The following THSD4 variants were observed in gnomAD, a reference collection of about 807,000 sequenced individuals.
The protein encoded by THSD4 is thrombospondin type-1 domain-containing protein 4.
A neutral mutation model predicts 119.0 loss-of-function variants in THSD4; 69 were observed. The ratio of observed to expected loss-of-function variants is 0.58; its 90% CI spans 0.48 to 0.71. The LOEUF (loss-of-function observed/expected upper bound fraction) is 0.71. Among genes scored for constraint, THSD4 ranks in the 30% least tolerant of loss-of-function variants. THSD4 has a pLI of 0.00. For synonymous variants in THSD4, 524 were observed against 540.4 expected (o/e 0.97, Z 0.42); for missense variants, 1,393 against 1,391.1 (o/e 1.00, Z -0.02).
chr15:71,542,388 G>A (rs760862343), intron 7 of THSD4, among the ~76,000 whole-genome samples: 8 of 152,076 alleles, frequency 5.3e-5, no homozygotes, highest in Non-Finnish European at 1.2e-4. Context: ...CTATGGAAAA[G>A]GAAAAATACT....
chr15:71,578,646 C>G (rs1426910938), intron 7 of THSD4, among the ~76,000 whole-genome samples: 1 of 151,806 alleles, frequency 6.6e-6, no homozygotes, highest in Non-Finnish European at 1.5e-5. Context: ...CTATAGTATA[C>G]TCTTAAGTGT....
chr15:71,329,008 T>A (rs78903665), intron 6 of THSD4, among the ~76,000 whole-genome samples: 176 of 152,334 alleles, frequency 1.2e-3, no homozygotes, highest in African/African-American at 4.1e-3. Context: ...CAAGATTTTT[T>A]TCCTAAAGAG....
chr15:71,282,151 C>T (rs1346147965), intron 6 of THSD4, among the ~76,000 whole-genome samples: 2 of 152,130 alleles, frequency 1.3e-5, no homozygotes, highest in Admixed American at 6.5e-5. Context: ...CTAACTTATG[C>T]TGAGTAATAT....
chr15:71,415,346 G>A (rs537215672), intron 7 of THSD4, among the ~76,000 whole-genome samples: 115 of 152,290 alleles, frequency 7.6e-4, no homozygotes, highest in African/African-American at 2.6e-3. Context: ...TAAAGCCTAT[G>A]TTTATCCAGT....
rs2046349248 is a variant in THSD4 at position 71,389,810 on chromosome 15, G to GTTTTTTTTTTTTGT, written c.1016-21865_1016-21864insGTTTTTTTTTTTTT. The stretch of plus-strand genomic sequence containing the variant: ...GCCAACACTTGCTATTTTCTGGGTT[G>GTTTTTTTTTTTTGT]TTTTTTTTTTTTTTTTTGACACAGA... On this transcript the variant is annotated intron_variant, in intron 6 of 17. Transcript: ENST00000261862. Among the ~76,000 whole-genome samples, 3 of 87,998 alleles carry GTTTTTTTTTTTTGT rather than the reference G, an allele frequency of 3.4e-5. 1 individual carries two copies. Among genetic ancestry groups the GTTTTTTTTTTTTGT allele is most frequent in the Admixed American group, 1.4e-4 (1 of 6,944 alleles). 57.7% of individuals were successfully genotyped at this position (87,998 alleles called of 152,430 possible).
At chr15:71,103,937 T>C (rs1377310241) in intron 1 of THSD4, among the ~76,000 whole-genome samples, 1 of 152,186 alleles carries the variant, frequency 6.6e-6, no homozygotes, top group Non-Finnish European at 1.5e-5. Flanking sequence ...GGCTGGCTGA[T>C]ACTGGGAGGG....
chr15:71,782,259 G>GGA lies in THSD4; in HGVS notation c.*4886_*4887insAG, dbSNP rs1414283665. The GGA allele has an allele frequency of 6.6e-6, 1 of 151,874 alleles. No homozygotes were observed. The highest frequency in any genetic ancestry group is 1.5e-5 in the Non-Finnish European group (1 of 67,966). 9.4% of individuals were successfully genotyped at this position (151,874 alleles called of 1,614,324 possible). ...TCAGCAGATAATGATGGAGGGGGGGGGTGTCCATCGTGCTGAGGGTGTGAC... is the reference window on the plus strand; with the variant it reads ...TCAGCAGATAATGATGGAGGGGGGGGGAGTGTCCATCGTGCTGAGGGTGTGAC... On this transcript the variant is annotated 3_prime_UTR_variant, in exon 18 of 18. Transcript: ENST00000261862.
chr15:71,686,557 A>G (rs2051914238), intron 8 of THSD4, among the ~76,000 whole-genome samples: 1 of 152,212 alleles, frequency 6.6e-6, no homozygotes, highest in Non-Finnish European at 1.5e-5. Flanking sequence ...CACATGGGAT[A>G]GTGAGAGTAA....
rs1211578914 is a variant in THSD4 at position 71,746,887 on chromosome 15, A to G, written c.2086A>G (p.Met696Val). Residue 696 changes from methionine to valine, a missense_variant, in exon 13 of 18, where the codon ATG (methionine) becomes GTG (valine). By Grantham distance (21) the Met-to-Val change is conservative. Coordinates refer to ENST00000261862, the MANE Select transcript of THSD4 (RefSeq NM_024817.3). The part of the protein sequence containing the change: ...SECSKTCGLG[M>V]QHRQVLCRQV... ...GTGCAGCAAGACCTGTGGCCTGGGC[A>G]TGCAGCACCGCCAGGTTCTGTGCCG... is the stretch of plus-strand genomic sequence containing the variant. The G allele has an allele frequency of 3.1e-6, 5 of 1,614,008 alleles. No homozygotes were observed. Among genetic ancestry groups the G allele is most frequent in the Non-Finnish European group, 4.2e-6 (5 of 1,180,042 alleles).
intron 6 of THSD4, among the ~76,000 whole-genome samples, chr15:71,405,527 T>TAGAC (rs2140491807): frequency 6.6e-6 from 1 of 152,364 alleles, no homozygotes; most frequent in South Asian, 2.1e-4. Context: ...ATCTAGACTC[T>TAGAC]TAAGTTCTAT....
chr15:71,346,922 G>A (rs531930685), intron 6 of THSD4, among the ~76,000 whole-genome samples: 36 of 125,314 alleles, frequency 2.9e-4, no homozygotes, highest in African/African-American at 1.0e-3. Context: ...TGCCCAGGTT[G>A]GAGTGCAATG....
intron 8 of THSD4, among the ~76,000 whole-genome samples, chr15:71,708,214 G>A (rs2052430858): frequency 6.6e-6 from 1 of 152,212 alleles, no homozygotes; most frequent in Non-Finnish European, 1.5e-5. Flanking sequence ...CCAAGGCTGG[G>A]GAGGAGGGAG....
chr15:71,195,319 T>C (rs1182769181), intron 3 of THSD4, among the ~76,000 whole-genome samples: 1 of 152,132 alleles, frequency 6.6e-6, no homozygotes, highest in African/African-American at 2.4e-5. Flanking sequence ...TGGAGAAATG[T>C]TGAGTTTAGC....
chr15:71,484,526 G>T (rs1567002327), intron 7 of THSD4, among the ~76,000 whole-genome samples: 1 of 152,172 alleles, frequency 6.6e-6, no homozygotes, highest in Non-Finnish European at 1.5e-5. Context: ...AGCTGTCAAA[G>T]GTAGCGTTAT....
At position 71,341,145 on chromosome 15, in the gene THSD4, T is replaced by C; in HGVS notation, c.1016-70542T>C. 2.9e-6 allele frequency: 4 copies of C among 1,396,646 alleles called. No homozygotes were observed. In the South Asian group the frequency reaches 4.8e-5, roughly 17 times the overall value. The allele number at this position is 1,396,646 out of a possible 1,614,324, so 86.5% of individuals were successfully genotyped here. On this transcript the variant is annotated intron_variant, in intron 6 of 17. Transcript: ENST00000261862. The stretch of plus-strand genomic sequence containing the variant: ...TTTTTTTCCTTTTAATTACATTTAT[T>C]TTAATGCTGAATTTACTCCCGTGCC...
intron 6 of THSD4, chr15:71,341,142 T>C (rs752038745): frequency 7.2e-7 from 1 of 1,380,380 alleles, no homozygotes; most frequent in South Asian, 1.2e-5. Context: ...TAATTACATT[T>C]ATTTTAATGC....
chr15:71,518,701 A>T (rs1474397328), intron 7 of THSD4, among the ~76,000 whole-genome samples: 3 of 152,186 alleles, frequency 2.0e-5, no homozygotes, highest in Non-Finnish European at 4.4e-5. Flanking sequence ...GAGGAATTTG[A>T]GTCTCAGAGA....
At chr15:71,442,697 T>TGAAGGG (rs2047126530) in intron 7 of THSD4, among the ~76,000 whole-genome samples, 1 of 119,870 alleles carries the variant, frequency 8.3e-6, no homozygotes, top group Admixed American at 8.7e-5. Context: ...TATATATATA[T>TGAAGGG]ATATATGAAG....
At chr15:71,683,096 AT>A (rs1173903141) in intron 8 of THSD4, among the ~76,000 whole-genome samples, 1 of 150,802 alleles carries the variant, frequency 6.6e-6, no homozygotes, top group Non-Finnish European at 1.5e-5. Flanking sequence ...CGATTTTTGT[AT>A]TTTTTGTAGA....
Sources: allele counts gnomAD v4.1 joint callset (sites outside exome capture counted in the v4.1 genomes callset), GRCh38; gene constraint gnomAD v4.1.1; transcripts MANE v1.5; gene names NCBI Gene and HGNC (gene_info 2026-07-23, HGNC 2026-07-21).